FGGY: variants seen among roughly 807,000 people sequenced by gnomAD.
The protein encoded by FGGY is FGGY carbohydrate kinase domain-containing protein.
In FGGY, 72 loss-of-function variants were observed where a neutral mutation model predicts 71.3. That is an observed-to-expected ratio of 1.01 (90% CI 0.84 to 1.23). The LOEUF is 1.23. Ranked by LOEUF, FGGY falls within the 50% of genes most tolerant of loss-of-function variation. The pLI is 0.00. For missense variants in FGGY, 668 were observed against 682.3 expected, an observed-to-expected ratio of 0.98 and a Z score of 0.23; for synonymous variants, 251 against 250.3, an observed-to-expected ratio of 1.00 and a Z score of -0.02.
At chr1:59,621,775 A>G (rs1207054586) in intron 9 of FGGY, among the ~76,000 whole-genome samples, 2 of 151,594 alleles carry the variant, frequency 1.3e-5, no homozygotes, top group African/African-American at 4.8e-5. Flanking sequence ...TTTGGCTTTT[A>G]TTACGGTATG....
intron 1 of FGGY, among the ~76,000 whole-genome samples, chr1:59,316,497 G>A (rs78838105): frequency 0.011 from 1,733 of 152,216 alleles, 33 homozygotes; most frequent in African/African-American, 0.04. Context: ...GCTAAAACCC[G>A]TTTGCAAAGG....
chr1:59,626,080 T>G, intron 10 of FGGY, 31 bp downstream of exon 10: 1 of 1,600,104 alleles, frequency 6.2e-7, no homozygotes, highest in Non-Finnish European at 8.5e-7. Flanking sequence ...CTCTAAAATT[T>G]TCCTTGTGTG....
intron 7 of FGGY, among the ~76,000 whole-genome samples, chr1:59,516,569 C>T (rs1558190233): frequency 6.6e-6 from 1 of 152,166 alleles, no homozygotes; most frequent in Non-Finnish European, 1.5e-5. Flanking sequence ...CTTTTGTCTC[C>T]TGTTATGCAG....
chr1:59,636,883 T>A (rs913273986), intron 10 of FGGY, among the ~76,000 whole-genome samples: 1 of 152,166 alleles, frequency 6.6e-6, no homozygotes, highest in Admixed American at 6.5e-5. Flanking sequence ...GATATTAACC[T>A]CCTTTGGATA....
At chr1:59,407,217 T>G (rs1357571670) in intron 5 of FGGY, among the ~76,000 whole-genome samples, 1 of 152,202 alleles carries the variant, frequency 6.6e-6, no homozygotes, top group Non-Finnish European at 1.5e-5. Flanking sequence ...TCCTTTGTCC[T>G]TTTAGCTGAT....
chr1:59,641,637 C>A (rs1431442349), intron 11 of FGGY, among the ~76,000 whole-genome samples: 1 of 152,118 alleles, frequency 6.6e-6, no homozygotes, highest in Admixed American at 6.6e-5. Flanking sequence ...GCTAGCAAAC[C>A]CTGATGCAGC....
chr1:59,414,042 A>G (rs981006981), intron 5 of FGGY, among the ~76,000 whole-genome samples: 1 of 152,218 alleles, frequency 6.6e-6, no homozygotes, highest in African/African-American at 2.4e-5. Flanking sequence ...AAAGTAGGAA[A>G]TTATTAGAAT....
intron 10 of FGGY, among the ~76,000 whole-genome samples, chr1:59,629,222 A>C (rs1373542161): frequency 6.7e-6 from 1 of 149,162 alleles, no homozygotes; most frequent in Non-Finnish European, 1.5e-5. Flanking sequence ...AAAATGAATA[A>C]ATAATAAATA....
chr1:59,456,042 C>A (rs1413210178), intron 5 of FGGY, among the ~76,000 whole-genome samples: 1 of 152,152 alleles, frequency 6.6e-6, no homozygotes, highest in Non-Finnish European at 1.5e-5. Context: ...TTTATTATCT[C>A]CACCAGACAC....
chr1:59,638,125 G>A, intron 10 of FGGY, 103 bp from the exon 11 acceptor site: 1 of 1,191,488 alleles, frequency 8.4e-7, no homozygotes, highest in Non-Finnish European at 1.2e-6. Context: ...TTAGGAGCCT[G>A]CTTACTTTCC....
At chr1:59,426,593 G>T (rs906084838) in intron 5 of FGGY, among the ~76,000 whole-genome samples, 1 of 152,154 alleles carries the variant, frequency 6.6e-6, no homozygotes, top group African/African-American at 2.4e-5. Flanking sequence ...TTCCCCCATT[G>T]GAGAGGCCAT....
intron 6 of FGGY, among the ~76,000 whole-genome samples, chr1:59,482,667 T>G (rs1407550118): frequency 6.6e-6 from 1 of 151,400 alleles, no homozygotes; most frequent in African/African-American, 2.4e-5. Context: ...CCATATTCTG[T>G]GTCTTTTATA....
In FGGY at chr1:59,402,533, TTAATA is replaced by T. The variant is rs1164519854; in HGVS notation, c.554+23701_554+23705del. On this transcript the variant is annotated intron_variant, in intron 5 of 15. Transcript: ENST00000303721. ...GGTAAAGATTTGTTGAATGGATTAA[TTAATA>T]TAATTATATGTTTTTGCGGACTCTG... Among the ~76,000 whole-genome samples the T allele has an allele frequency of 2.6e-5, 4 of 152,352 alleles. No individual in the cohort carries two copies. The East Asian group carries it at 7.7e-4, about 29-fold the overall frequency.
intron 12 of FGGY, among the ~76,000 whole-genome samples, chr1:59,661,870 C>T (rs1163190975): frequency 1.3e-5 from 2 of 151,470 alleles, no homozygotes; most frequent in East Asian, 4.0e-4. Context: ...CAGGCGCATG[C>T]CACCATGCCC....
chr1:59,646,650 A>G (rs370119227), intron 11 of FGGY, among the ~76,000 whole-genome samples: 22 of 152,242 alleles, frequency 1.4e-4, no homozygotes, highest in African/African-American at 5.3e-4. Context: ...CACCTGATGC[A>G]CCAGGCACCA....
intron 8 of FGGY, among the ~76,000 whole-genome samples, chr1:59,594,301 G>A (rs1558483505): frequency 6.6e-6 from 1 of 152,202 alleles, no homozygotes. Context: ...TAAAAAAATA[G>A]AGTGCAGAAA....
At chr1:59,688,633 G>A (rs553135207) in intron 14 of FGGY, among the ~76,000 whole-genome samples, 5 of 152,254 alleles carry the variant, frequency 3.3e-5, no homozygotes, top group South Asian at 2.1e-4. Context: ...CATACCGAAC[G>A]TTCATATTCA....
intron 14 of FGGY, among the ~76,000 whole-genome samples, chr1:59,744,043 T>G (rs2098172812): frequency 1.3e-5 from 2 of 152,202 alleles, no homozygotes; most frequent in Non-Finnish European, 2.9e-5. Context: ...GGGGTGGAGA[T>G]TGATGTAATA....
intron 9 of FGGY, among the ~76,000 whole-genome samples, chr1:59,613,279 G>C (rs148420158): frequency 1.2e-3 from 182 of 152,340 alleles, no homozygotes; most frequent in African/African-American, 4.2e-3. Flanking sequence ...GTAAAGGACA[G>C]AAATTATAAC....
Sources: allele counts gnomAD v4.1 joint callset (sites outside exome capture counted in the v4.1 genomes callset), GRCh38; gene constraint gnomAD v4.1.1; transcripts MANE v1.5; gene names NCBI Gene and HGNC (gene_info 2026-07-23, HGNC 2026-07-21).